NAALADL2: variants seen among roughly 807,000 people sequenced by gnomAD.
NAALADL2 encodes inactive N-acetylated-alpha-linked acidic dipeptidase-like protein 2.
Under a neutral mutation model 87.2 loss-of-function variants are expected in NAALADL2, and 76 were observed. The observed-to-expected ratio is 0.87, with a 90% confidence interval of 0.72 to 1.05. The LOEUF (loss-of-function observed/expected upper bound fraction) is 1.05, where lower values mean the gene tolerates loss of function less well. Ranked by LOEUF, NAALADL2 falls within the 50% of genes least tolerant of loss-of-function variation. The pLI is 0.00. For missense variants in NAALADL2, 1,089 were observed against 945.8 expected (o/e 1.15, Z -1.99); for synonymous variants, 354 against 331.0 (o/e 1.07, Z -0.75).
At chr3:174,455,672 C>A (rs1280176509) in intron 1 of NAALADL2, among the ~76,000 whole-genome samples, 4 of 151,990 alleles carry the variant, frequency 2.6e-5, no homozygotes, top group Admixed American at 2.6e-4. Context: ...AATTCAACAC[C>A]CCTTCATGTT....
intron 1 of NAALADL2, among the ~76,000 whole-genome samples, chr3:175,085,908 C>T (rs1213321806): frequency 6.6e-6 from 1 of 152,088 alleles, no homozygotes; most frequent in East Asian, 1.9e-4. Flanking sequence ...CAGAGTGAGA[C>T]TCCATCTCAG....
intron 1 of NAALADL2, among the ~76,000 whole-genome samples, chr3:174,485,992 G>A (rs1028691786): frequency 6.6e-6 from 1 of 151,910 alleles, no homozygotes; most frequent in Non-Finnish European, 1.5e-5. Flanking sequence ...GAATAGGGGT[G>A]ATTACTCAAA....
At chr3:174,940,081 C>T (rs189093793) in intron 1 of NAALADL2, among the ~76,000 whole-genome samples, 1 of 152,112 alleles carries the variant, frequency 6.6e-6, no homozygotes. Flanking sequence ...CTGTCTTGTA[C>T]CAGTTTTCAA....
chr3:175,413,625 A>G (rs1714042817), intron 5 of NAALADL2, among the ~76,000 whole-genome samples: 1 of 151,302 alleles, frequency 6.6e-6, no homozygotes, highest in South Asian at 2.1e-4. Context: ...GGATATGAGC[A>G]CTAACTGAAA....
chr3:174,551,600 A>G (rs1032962334), intron 2 of NAALADL2, among the ~76,000 whole-genome samples: 3 of 152,202 alleles, frequency 2.0e-5, no homozygotes, highest in Non-Finnish European at 4.4e-5. Context: ...AGCACATGCT[A>G]CTGCATCCAG....
At chr3:175,293,149 A>G (rs75482712) in intron 4 of NAALADL2, among the ~76,000 whole-genome samples, 5,636 of 151,770 alleles carry the variant, frequency 0.037, 362 homozygotes, top group African/African-American at 0.13. Flanking sequence ...CCCTTTCAAG[A>G]TCCTAACTCC....
chr3:174,980,312 T>C (rs1184049330), intron 1 of NAALADL2, among the ~76,000 whole-genome samples: 1 of 152,170 alleles, frequency 6.6e-6, no homozygotes, highest in East Asian at 1.9e-4. Flanking sequence ...TTGATGAGTA[T>C]TTGTTGATTG....
intron 1 of NAALADL2, among the ~76,000 whole-genome samples, chr3:174,942,563 A>T (rs1738775199): frequency 6.6e-6 from 1 of 152,144 alleles, no homozygotes; most frequent in African/African-American, 2.4e-5. Flanking sequence ...TGTTTCCTGA[A>T]TCTGACTGTT....
At chr3:174,698,947 A>ATGTG (rs375672663) in intron 2 of NAALADL2, among the ~76,000 whole-genome samples, 1 of 141,794 alleles carries the variant, frequency 7.1e-6, no homozygotes, top group African/African-American at 2.8e-5. Context: ...ATATATATGA[A>ATGTG]TGTGTGTGTG....
intron 9 of NAALADL2, among the ~76,000 whole-genome samples, chr3:175,558,067 C>T (rs912491276): frequency 7.9e-5 from 12 of 151,452 alleles, no homozygotes; most frequent in Non-Finnish European, 1.6e-4. Flanking sequence ...TGGTGGCGGG[C>T]GCCTGTAGTC....
At chr3:174,911,413 A>G (rs186010997) in intron 1 of NAALADL2, among the ~76,000 whole-genome samples, 3 of 152,262 alleles carry the variant, frequency 2.0e-5, no homozygotes, top group Admixed American at 1.3e-4. Context: ...TAAAAACTGT[A>G]TACAGCATTT....
At chr3:174,953,633 T>C (rs1333771598) in intron 1 of NAALADL2, among the ~76,000 whole-genome samples, 1 of 151,854 alleles carries the variant, frequency 6.6e-6, no homozygotes, top group East Asian at 1.9e-4. Context: ...CACAGATAGT[T>C]GATGCACGGT....
rs531856429 is a variant in NAALADL2 at position 175,394,093 on chromosome 3, A to G, written c.1091-53136A>G. 9.9e-5 allele frequency among the ~76,000 whole-genome samples: 15 copies of G among 152,242 alleles called. 1 individual carries two copies. The highest frequency in any genetic ancestry group is 3.6e-4 in the African/African-American group (15 of 41,510). ...GAAGTCCAAGAAGCAGATAGCCAATATACTCTTTGCTATTCCTGAGGAAAA... is the reference window on the plus strand; with the variant it reads ...GAAGTCCAAGAAGCAGATAGCCAATGTACTCTTTGCTATTCCTGAGGAAAA... On this transcript the variant is annotated intron_variant, in intron 5 of 13. Transcript: ENST00000454872.
In NAALADL2 at chr3:174,849,520, AG is replaced by A. The variant is rs375956594; in HGVS notation, c.-9+111775del. 2.9e-3 allele frequency among the ~76,000 whole-genome samples: 439 copies of A among 152,164 alleles called. 2 individuals are homozygous for A. Among genetic ancestry groups the A allele is most frequent in the African/African-American group, 0.01 (425 of 41,516 alleles). ...GGGGGGCCGAGGCGGGCAGATCACA[AG>A]ATCAGGAGTTCAAGACCAGCCCTGC... On this transcript the variant is annotated intron_variant, in intron 3 of 3. Coordinates refer to the NAALADL2 transcript ENST00000434257.
At chr3:175,253,608 T>C (rs1749430108) in intron 3 of NAALADL2, among the ~76,000 whole-genome samples, 1 of 152,198 alleles carries the variant, frequency 6.6e-6, no homozygotes. Flanking sequence ...TGTAAGATTG[T>C]AGCTTCCCCA....
intron 2 of NAALADL2, among the ~76,000 whole-genome samples, chr3:174,652,871 A>T (rs1317807774): frequency 6.6e-6 from 1 of 152,192 alleles, no homozygotes; most frequent in African/African-American, 2.4e-5. Context: ...TCTACAAATC[A>T]AACAGAAAAA....
At chr3:175,769,782 A>T (rs1313509337) in intron 13 of NAALADL2, among the ~76,000 whole-genome samples, 1 of 151,896 alleles carries the variant, frequency 6.6e-6, no homozygotes, top group African/African-American at 2.4e-5. Flanking sequence ...AATTTTAAGG[A>T]ACTGGTTCAT....
intron 1 of NAALADL2, among the ~76,000 whole-genome samples, chr3:174,924,681 T>C (rs1038625777): frequency 6.6e-6 from 1 of 152,172 alleles, no homozygotes; most frequent in Admixed American, 6.6e-5. Flanking sequence ...CCCACCAACA[T>C]TGTAGAAGTG....
At chr3:175,324,365 C>T (rs980367488) in intron 5 of NAALADL2, 40 bp downstream of exon 5, 7 of 1,516,300 alleles carry the variant, frequency 4.6e-6, no homozygotes, top group African/African-American at 2.8e-5. Context: ...TGTAAGTAAG[C>T]ATTACAAGGT....
Sources: allele counts gnomAD v4.1 joint callset (sites outside exome capture counted in the v4.1 genomes callset), GRCh38; gene constraint gnomAD v4.1.1; transcripts MANE v1.5; gene names NCBI Gene and HGNC (gene_info 2026-07-23, HGNC 2026-07-21).